Variants in RPGRIP1 observed in about 807,000 individuals in gnomAD.
RPGRIP1 encodes RPGR interacting protein 1.
RPGRIP1 carries 128 observed loss-of-function variants against 157.9 expected under a neutral mutation model. That is an observed-to-expected ratio of 0.81 (90% CI 0.70 to 0.94). The LOEUF is 0.94. Ranked by LOEUF, RPGRIP1 falls within the 40% of genes least tolerant of loss-of-function variation. RPGRIP1 has a pLI of 0.00. For synonymous variants in RPGRIP1, 554 were observed against 571.6 expected (o/e 0.97, Z 0.44); for missense variants, 1,486 against 1,545.8 (o/e 0.96, Z 0.65).
chr14:21,282,716 T>C (rs953676096), intron 1 of RPGRIP1, among the ~76,000 whole-genome samples: 7 of 149,838 alleles, frequency 4.7e-5, no homozygotes, highest in African/African-American at 1.7e-4. Flanking sequence ...TTCACGCCAT[T>C]CTCCTGCCTC....
intron 3 of RPGRIP1, among the ~76,000 whole-genome samples, chr14:21,298,352 T>C (rs1057249152): frequency 6.6e-6 from 1 of 151,862 alleles, no homozygotes; most frequent in Non-Finnish European, 1.5e-5. Flanking sequence ...ATACAAAGAT[T>C]ATCCGGGCGT....
Position 21,317,701 on chromosome 14 carries a change from T to A in RPGRIP1, c.1157T>A (p.Leu386Gln). 1 of 1,583,998 alleles carries A rather than the reference T, an allele frequency of 6.3e-7. No individual in the cohort carries two copies. The highest frequency in any genetic ancestry group is 8.6e-7 in the Non-Finnish European group (1 of 1,164,934). The change falls in exon 11 of 25, where the codon CTG becomes CAG. Residue 386 changes from leucine to glutamine, a missense_variant. By Grantham distance (113) the Leu-to-Gln change is moderately radical. Coordinates refer to ENST00000400017, the MANE Select transcript of RPGRIP1 (RefSeq NM_020366.4). ...DNYDKLLESM[L>Q]DSSDSSSQPH... The stretch of plus-strand genomic sequence containing the variant: ...AGCTTGCTTTCCATTGCCAGCATGC[T>A]GGACAGCAGTGACAGCTCCAGTCAG...
At chr14:21,290,717 G>C (rs1048787109) in intron 2 of RPGRIP1, among the ~76,000 whole-genome samples, 3 of 152,086 alleles carry the variant, frequency 2.0e-5, no homozygotes, top group Non-Finnish European at 4.4e-5. Context: ...TACGTGGGAG[G>C]CTGAGGCAGG....
At chr14:21,339,620 T>C (rs1444002524) in intron 21 of RPGRIP1, among the ~76,000 whole-genome samples, 1 of 152,202 alleles carries the variant, frequency 6.6e-6, no homozygotes, top group African/African-American at 2.4e-5. Flanking sequence ...AGTTCCTTCG[T>C]CTTAACTGCT....
intron 21 of RPGRIP1, 92 bp from the exon 22 acceptor site, chr14:21,342,944 C>G (rs1885167470): frequency 1.1e-6 from 1 of 870,592 alleles, no homozygotes; most frequent in African/African-American, 1.7e-5. Context: ...TGGTTGATTT[C>G]TAGAGAGTAC....
intron 21 of RPGRIP1, among the ~76,000 whole-genome samples, chr14:21,340,570 G>T (rs182189682): frequency 9.9e-4 from 150 of 152,184 alleles, no homozygotes; most frequent in African/African-American, 3.4e-3. Flanking sequence ...CAGGAGAATC[G>T]CTTGAACCTG....
intron 7 of RPGRIP1, among the ~76,000 whole-genome samples, chr14:21,308,770 G>A (rs1285850557): frequency 6.6e-6 from 1 of 152,222 alleles, no homozygotes; most frequent in African/African-American, 2.4e-5. Context: ...CATGTGCCGG[G>A]AAAAGTGGCT....
chr14:21,284,607 C>T (rs1427897983), intron 1 of RPGRIP1, among the ~76,000 whole-genome samples: 1 of 145,314 alleles, frequency 6.9e-6, no homozygotes, highest in Non-Finnish European at 1.5e-5. Flanking sequence ...TACAGTGGCA[C>T]GATCTCTGCT....
chr14:21,318,506 C>T (rs576702837), intron 11 of RPGRIP1, among the ~76,000 whole-genome samples: 16 of 152,184 alleles, frequency 1.1e-4, no homozygotes, highest in Non-Finnish European at 2.2e-4. Context: ...GAGAGAGTCT[C>T]ACTCTGTCAC....
At chr14:21,317,018 G>C (rs1881850895) in intron 10 of RPGRIP1, among the ~76,000 whole-genome samples, 1 of 151,982 alleles carries the variant, frequency 6.6e-6, no homozygotes, top group Admixed American at 6.6e-5. Context: ...TACTCAGGAG[G>C]CTGAGGCAGG....
chr14:21,349,695 C>T (rs1254208323), intron 24 of RPGRIP1, among the ~76,000 whole-genome samples: 2 of 152,140 alleles, frequency 1.3e-5, no homozygotes, highest in African/African-American at 4.8e-5. Context: ...TGAGCCACCG[C>T]GCCCAGCCAT....
intron 21 of RPGRIP1, among the ~76,000 whole-genome samples, chr14:21,335,509 T>C (rs1884254872): frequency 6.6e-6 from 1 of 152,030 alleles, no homozygotes. Flanking sequence ...CAGAACTGAT[T>C]TAAGAGACAC....
intron 1 of RPGRIP1, among the ~76,000 whole-genome samples, chr14:21,284,740 CAG>C (rs1880242874): frequency 6.6e-6 from 1 of 151,894 alleles, no homozygotes; most frequent in African/African-American, 2.4e-5. Flanking sequence ...TTAGTAGAGA[CAG>C]GGTTTCACCA....
intron 10 of RPGRIP1, among the ~76,000 whole-genome samples, chr14:21,315,818 A>G (rs11847385): frequency 0.26 from 36,424 of 142,232 alleles, 4,616 homozygotes; most frequent in Admixed American, 0.35. Flanking sequence ...TTTTTTTTTG[A>G]GGCAGAGTCT....
At chr14:21,288,495 T>C (rs1039346112) in intron 2 of RPGRIP1, among the ~76,000 whole-genome samples, 3 of 151,108 alleles carry the variant, frequency 2.0e-5, no homozygotes, top group Admixed American at 2.0e-4. Flanking sequence ...TCTCACATTT[T>C]ATTCTTAAGT....
intron 22 of RPGRIP1, among the ~76,000 whole-genome samples, chr14:21,344,838 C>T (rs762125131): frequency 1.3e-5 from 2 of 152,174 alleles, no homozygotes; most frequent in African/African-American, 4.8e-5. Context: ...CCCAACTACT[C>T]GGGAGGCTGA....
chr14:21,314,612 C>T (rs1324880959), intron 10 of RPGRIP1, among the ~76,000 whole-genome samples: 1 of 151,192 alleles, frequency 6.6e-6, no homozygotes, highest in Non-Finnish European at 1.5e-5. Context: ...AATTAGCCAG[C>T]CAGGCGCGGA....
intron 2 of RPGRIP1, among the ~76,000 whole-genome samples, chr14:21,288,653 T>A (rs973480239): frequency 2.0e-5 from 3 of 151,608 alleles, no homozygotes; most frequent in African/African-American, 7.3e-5. Context: ...TAGCTGGGAC[T>A]ACAGGTGGCC....
chr14:21,330,282 A>T lies in RPGRIP1; in HGVS notation c.3133A>T (p.Thr1045Ser). ...TTACACTGAGTGGAAGTTCTCAGAGACTAACAGCTTCATAGGTGATGGCTT... is the reference window on the plus strand; with the variant it reads ...TTACACTGAGTGGAAGTTCTCAGAGTCTAACAGCTTCATAGGTGATGGCTT... ...VNYTEWKFSE[T>S]NSFIGDGFKN... Residue 1045 changes from threonine (T) to serine (S), a missense_variant, in exon 20 of 25, where the codon ACT becomes TCT. Coordinates refer to ENST00000400017, the MANE Select transcript of RPGRIP1 (RefSeq NM_020366.4). The T allele has an allele frequency of 6.3e-7, 1 of 1,577,566 alleles. No individual in the cohort carries two copies. The highest frequency in any genetic ancestry group is 1.2e-5 in the South Asian group (1 of 84,358).
Sources: gnomAD v4.1 joint callset for allele counts (sites outside exome capture counted in the v4.1 genomes callset) on GRCh38, gnomAD v4.1.1 for gene constraint, MANE v1.5 for transcripts, NCBI Gene and HGNC (gene_info 2026-07-23, HGNC 2026-07-21) for gene names.